Variants in TARP observed in about 807,000 individuals in gnomAD.
chr7:38,263,218 T>TA, the TARP span, among the ~76,000 whole-genome samples: 2 of 151,954 alleles, frequency 1.3e-5, no homozygotes, highest in African/African-American at 2.4e-5. Context: ...CCCATGCATT[T>TA]TTTGTTTAAT....
the TARP span, among the ~76,000 whole-genome samples, chr7:38,267,889 A>G: frequency 1.3e-5 from 2 of 151,522 alleles, no homozygotes; most frequent in African/African-American, 4.9e-5. Context: ...AAATCAAATG[A>G]TAAACTTGGA....
chr7:38,268,681 C>G, the TARP span, among the ~76,000 whole-genome samples: 1 of 151,542 alleles, frequency 6.6e-6, no homozygotes, highest in Non-Finnish European at 1.5e-5. Flanking sequence ...AAACAGACAT[C>G]TTAATACAAT....
chr7:38,268,357 G>T, the TARP span, among the ~76,000 whole-genome samples: 7 of 151,434 alleles, frequency 4.6e-5, no homozygotes, highest in African/African-American at 1.7e-4. Context: ...ACAGTTTTTA[G>T]AGACGGTATG....
chr7:38,263,229 TC>T, the TARP span, among the ~76,000 whole-genome samples: 1 of 151,970 alleles, frequency 6.6e-6, no homozygotes, highest in African/African-American at 2.4e-5. Context: ...TTTGTTTAAT[TC>T]CCCAATAACA....
At chr7:38,266,936 A>T in the TARP span, among the ~76,000 whole-genome samples, 1 of 151,864 alleles carries the variant, frequency 6.6e-6, no homozygotes, top group Non-Finnish European at 1.5e-5. Flanking sequence ...TAACGCACTT[A>T]TCAAAATTTC....
chr7:38,269,007 T>C, the TARP span, among the ~76,000 whole-genome samples: 1 of 151,696 alleles, frequency 6.6e-6, no homozygotes, highest in African/African-American at 2.4e-5. Context: ...TGTTATCCCA[T>C]TTTATGGATT....
At chr7:38,268,637 G>A in the TARP span, among the ~76,000 whole-genome samples, 1 of 150,962 alleles carries the variant, frequency 6.6e-6, no homozygotes, top group Admixed American at 6.6e-5. Context: ...TAAGATAAAG[G>A]ATTAAGTAAA....
At chr7:38,268,029 C>G in the TARP span, among the ~76,000 whole-genome samples, 35 of 151,148 alleles carry the variant, frequency 2.3e-4, no homozygotes, top group African/African-American at 7.8e-4. Flanking sequence ...TAGTAGTTAA[C>G]GAATCATTAA....
chr7:38,271,374 A>G, the TARP span, among the ~76,000 whole-genome samples: 1 of 151,006 alleles, frequency 6.6e-6, no homozygotes, highest in South Asian at 2.1e-4. Flanking sequence ...TTTCCCCAAA[A>G]TTTTCTCTCA....
chr7:38,269,530 TATA>T, the TARP span: 1 of 705,718 alleles, frequency 1.4e-6, no homozygotes, highest in Non-Finnish European at 2.6e-6. Flanking sequence ...AAGAGTTTCT[TATA>T]ATAATTCCAC....
At chr7:38,273,247 T>A in the TARP span, among the ~76,000 whole-genome samples, 1 of 21,346 alleles carries the variant, frequency 4.7e-5, no homozygotes, top group Non-Finnish European at 6.8e-5. Context: ...CTGATTTTAC[T>A]TTTTTTTTTT....
the TARP span, among the ~76,000 whole-genome samples, chr7:38,273,039 T>C: frequency 6.6e-6 from 1 of 151,180 alleles, no homozygotes; most frequent in Non-Finnish European, 1.5e-5. Flanking sequence ...TTTTCTCTCA[T>C]CCAGGCAAAA....
chr7:38,265,624 A>G, the TARP span: 11 of 1,610,896 alleles, frequency 6.8e-6, no homozygotes, highest in Non-Finnish European at 8.5e-6. Context: ...TGTTTCAGCA[A>G]TTGAAGGAAG....
chr7:38,272,497 A>G, the TARP span, among the ~76,000 whole-genome samples: 1 of 141,466 alleles, frequency 7.1e-6, no homozygotes, highest in Non-Finnish European at 1.5e-5. Context: ...ATTATTGTGT[A>G]TCTAGTATGA....
At chr7:38,263,165 T>C in the TARP span, among the ~76,000 whole-genome samples, 2 of 152,096 alleles carry the variant, frequency 1.3e-5, no homozygotes, top group South Asian at 2.1e-4. Context: ...AGCTAACATC[T>C]ACTGAGTACT....
the TARP span, among the ~76,000 whole-genome samples, chr7:38,266,264 A>T: frequency 6.6e-6 from 1 of 151,142 alleles, no homozygotes; most frequent in African/African-American, 2.4e-5. Context: ...GATGCACCAT[A>T]TTTATCTTAT....
chr7:38,266,054 G>A, the TARP span, among the ~76,000 whole-genome samples: 1 of 151,060 alleles, frequency 6.6e-6, no homozygotes, highest in Non-Finnish European at 1.5e-5. Flanking sequence ...TTTCATCATA[G>A]TGAAGCAGGT....
At chr7:38,270,028 G>C in the TARP span, among the ~76,000 whole-genome samples, 1 of 151,958 alleles carries the variant, frequency 6.6e-6, no homozygotes, top group Non-Finnish European at 1.5e-5. Flanking sequence ...CTTGAGCCTA[G>C]GAGTTCGAGG....
chr7:38,265,525 T>C, the TARP span: 1 of 1,612,280 alleles, frequency 6.2e-7, no homozygotes, highest in East Asian at 2.2e-5. Context: ...CAGAATCGTG[T>C]TGCTCTTCTT....
Sources: allele counts gnomAD v4.1 joint callset (sites outside exome capture counted in the v4.1 genomes callset), GRCh38; gene constraint gnomAD v4.1.1; transcripts MANE v1.5.